PCNX4: variants seen among roughly 807,000 people sequenced by gnomAD.
PCNX4 encodes pecanex 4.
PCNX4 carries 103 observed loss-of-function variants against 107.2 expected under a neutral mutation model. The ratio of observed to expected loss-of-function variants is 0.96; its 90% confidence interval spans 0.82 to 1.13. The LOEUF is 1.13. Ranked by LOEUF, PCNX4 falls within the 50% of genes most tolerant of loss-of-function variation. PCNX4 has a pLI of 0.00. For missense variants in PCNX4, 1,528 were observed against 1,379.4 expected, an observed-to-expected ratio of 1.11 and a Z score of -1.71; for synonymous variants, 541 against 481.7, an observed-to-expected ratio of 1.12 and a Z score of -1.61.
At position 60,142,476 on chromosome 14, in the gene PCNX4, C is replaced by A. The variant is rs537434336; in HGVS notation, c.*8255C>A. On this transcript the variant is annotated 3_prime_UTR_variant, in exon 11 of 11. Coordinates refer to ENST00000406854, the MANE Select transcript of PCNX4 (RefSeq NM_001330177.2). The surrounding 1 kb of genome is among the most constrained non-coding windows in gnomAD (Gnocchi z 4.7). ...TAATGAACACACCATTTTCTTCCTA[C>A]TTAAAAGTCCACTCAGGATAATGAT... 6 of 135,508 alleles carry A rather than the reference C, an allele frequency of 4.4e-5. No homozygotes were observed. In the East Asian group the frequency reaches 1.1e-3, roughly 25 times the overall value. 8.4% of individuals were successfully genotyped at this position (135,508 alleles called of 1,614,324 possible).
rs187744738 is a variant in PCNX4, at chr14:60,127,015, C to T, written c.3267+1192C>T. 5.6e-3 allele frequency among the ~76,000 whole-genome samples: 849 copies of T among 152,280 alleles called. 3 individuals carry two copies. The highest frequency in any genetic ancestry group is 8.9e-3 in the Non-Finnish European group (606 of 68,022). On this transcript the variant is annotated intron_variant, in intron 10 of 10. Coordinates refer to ENST00000406854, the MANE Select transcript of PCNX4 (RefSeq NM_001330177.2). ...CAGAGATTTTGCCCAGTGGGAGAAG[C>T]AAATTATTATTAACAACAACAAAAG...
intron 1 of PCNX4, among the ~76,000 whole-genome samples, chr14:60,093,688 C>T (rs998328167): frequency 6.6e-6 from 1 of 152,022 alleles, no homozygotes; most frequent in Non-Finnish European, 1.5e-5. Context: ...ATGTTTTTAT[C>T]TCTGTTGGGT....
chr14:60,092,799 T>C (rs1895331664), intron 1 of PCNX4, among the ~76,000 whole-genome samples: 1 of 152,176 alleles, frequency 6.6e-6, no homozygotes, highest in Non-Finnish European at 1.5e-5. Flanking sequence ...CCCCTGAACG[T>C]GAAGCGCTCC....
intron 9 of PCNX4, 121 bp downstream of exon 9, chr14:60,125,372 G>GA (rs1160967044): frequency 4.6e-6 from 5 of 1,098,240 alleles, no homozygotes; most frequent in African/African-American, 1.6e-5. Flanking sequence ...TCTTCAAAAT[G>GA]AAAAAAATGT....
rs1896309634 is a variant in PCNX4, at chr14:60,141,881, A to G, written c.*7660A>G. ...ACATAAGCTTTCATTTCTCTTGGGCAAATACCTAGGACTGGGATGGCTAAA... is the reference window on the plus strand; with the variant it reads ...ACATAAGCTTTCATTTCTCTTGGGCGAATACCTAGGACTGGGATGGCTAAA... On this transcript the variant is annotated 3_prime_UTR_variant, in exon 11 of 11. Transcript: ENST00000406854. 1 of 152,220 alleles carries G rather than the reference A, an allele frequency of 6.6e-6. No individual in the cohort carries two copies. The highest frequency in any genetic ancestry group is 1.9e-4 in the East Asian group (1 of 5,206). The allele number at this position is 152,220 out of a possible 1,614,324, so 9.4% of individuals were successfully genotyped here. A position where few individuals can be genotyped will look rare whatever the true frequency, so the allele number is the denominator to read the frequency against.
chr14:60,128,264 G>A (rs1258544781), intron 10 of PCNX4, among the ~76,000 whole-genome samples: 2 of 152,108 alleles, frequency 1.3e-5, no homozygotes, highest in Non-Finnish European at 2.9e-5. Context: ...TAGAATAAAT[G>A]CAAAGAGATC....
chr14:60,131,163 CTTCT>C (rs530258474), intron 10 of PCNX4, among the ~76,000 whole-genome samples: 45 of 152,304 alleles, frequency 3.0e-4, no homozygotes, highest in Non-Finnish European at 6.3e-4. Context: ...ATAAATGTCT[CTTCT>C]TTAAGTCACC....
intron 7 of PCNX4, among the ~76,000 whole-genome samples, chr14:60,119,680 C>G (rs1242350734): frequency 6.6e-6 from 1 of 151,852 alleles, no homozygotes; most frequent in Admixed American, 6.6e-5. Flanking sequence ...TTTAAAACAC[C>G]TGTGGGGTTA....
chr14:60,093,896 A>G (rs1895365582), intron 1 of PCNX4, among the ~76,000 whole-genome samples: 1 of 152,200 alleles, frequency 6.6e-6, no homozygotes, highest in South Asian at 2.1e-4. Flanking sequence ...AGGAGGTTTG[A>G]AATGGTACCT....
Position 60,124,383 on chromosome 14 carries a change from G to A in PCNX4, c.2212G>A (p.Asp738Asn). ...TGTTTTGCCTGTGAAATTGTATTCT[G>A]ATGCCAGGAATGTTCTATCAGGCAT... is the stretch of plus-strand genomic sequence containing the variant. ...CTVLPVKLYS[D>N]ARNVLSGIID... The change falls in exon 9 of 11, where the codon GAT becomes AAT. Residue 738 changes from aspartate to asparagine, a missense_variant. Asp to Asn is a conservative substitution (Grantham distance 23). Coordinates refer to ENST00000406854, the MANE Select transcript of PCNX4 (RefSeq NM_001330177.2). 1.2e-6 allele frequency: 2 copies of A among 1,613,452 alleles called. No homozygotes were observed. The highest frequency in any genetic ancestry group is 2.7e-5 in the African/African-American group (2 of 75,024).
At position 60,138,380 on chromosome 14, in the gene PCNX4, G is replaced by C. The variant is rs186318967; in HGVS notation, c.*4159G>C. The C allele has an allele frequency of 6.6e-6, 1 of 152,166 alleles. No homozygotes were observed. The highest frequency in any genetic ancestry group is 2.4e-5 in the African/African-American group (1 of 41,532). The allele number at this position is 152,166 out of a possible 1,614,324, so 9.4% of individuals were successfully genotyped here. A position where few individuals can be genotyped will look rare whatever the true frequency, so the allele number is the denominator to read the frequency against. ...CCAAGTTTTTAAGACATGAAGACCT[G>C]CAAGATCAAAGCATGATAAATAAAA... On this transcript the variant is annotated 3_prime_UTR_variant, in exon 11 of 11. Transcript: ENST00000406854.
At chr14:60,108,398 A>G in intron 2 of PCNX4, 71 bp downstream of exon 2, 1 of 1,175,832 alleles carries the variant, frequency 8.5e-7, no homozygotes, top group South Asian at 1.7e-5. Context: ...CTTTCCTTTT[A>G]GTGTTACAAA....
chr14:60,126,056 A>G (rs1896050319), intron 10 of PCNX4: 3 of 314,688 alleles, frequency 9.5e-6, no homozygotes. Flanking sequence ...TTGTGTAGCC[A>G]TAGTGCAATG....
In PCNX4 at chr14:60,148,168, CT is replaced by C. The variant is rs1896454257; in HGVS notation, c.*13948del. On this transcript the variant is annotated 3_prime_UTR_variant, in exon 11 of 11. Transcript: ENST00000406854. This position sits in a 1 kb window ranked among gnomAD's most constrained non-coding sequence, Gnocchi z 4.8. ...TGTTGTGTTTGTAACTTTTTACCCC[CT>C]AATTCATTTTCACTGTCCTGCAAAG... The C allele has an allele frequency of 2.0e-5, 3 of 152,174 alleles. No homozygotes were observed. Among genetic ancestry groups the C allele is most frequent in the African/African-American group, 7.2e-5 (3 of 41,440 alleles). The allele number at this position is 152,174 out of a possible 1,614,324, so 9.4% of individuals were successfully genotyped here.
rs1896222356 is a variant in PCNX4, at chr14:60,135,135, C to T, written c.*914C>T. ...ATGTAAGGGGGATTAATAATGAATC[C>T]ACATCAGTTGAGAGATCAGTTTCCT... On this transcript the variant is annotated 3_prime_UTR_variant, in exon 11 of 11. Coordinates refer to ENST00000406854, the MANE Select transcript of PCNX4 (RefSeq NM_001330177.2). 6.6e-6 allele frequency: 1 copy of T among 152,098 alleles called. No homozygotes were observed. Among genetic ancestry groups the T allele is most frequent in the Non-Finnish European group, 1.5e-5 (1 of 68,000 alleles). The allele number at this position is 152,098 out of a possible 1,614,324, so 9.4% of individuals were successfully genotyped here. A position where few individuals can be genotyped will look rare whatever the true frequency, so the allele number is the denominator to read the frequency against.
At chr14:60,119,739 A>G (rs1232738035) in intron 7 of PCNX4, among the ~76,000 whole-genome samples, 2 of 152,212 alleles carry the variant, frequency 1.3e-5, no homozygotes, top group Non-Finnish European at 2.9e-5. Flanking sequence ...TTTATTATCA[A>G]ACCAATTATA....
At position 60,144,754 on chromosome 14, in the gene PCNX4, A is replaced by C; in HGVS notation, c.*10533A>C. The C allele has an allele frequency of 5.8e-6, 3 of 513,370 alleles. No individual in the cohort carries two copies. In the South Asian group the frequency reaches 8.8e-5, roughly 15 times the overall value. 31.8% of individuals were successfully genotyped at this position (513,370 alleles called of 1,614,324 possible). On this transcript the variant is annotated 3_prime_UTR_variant, in exon 11 of 11. Coordinates refer to ENST00000406854, the MANE Select transcript of PCNX4 (RefSeq NM_001330177.2). ...AGTATTTTAAAAGGTTATTTTATCC[A>C]AGAATATAGTATGAGTTAATACCTT...
chr14:60,117,650 A>G (rs907052428), intron 6 of PCNX4, among the ~76,000 whole-genome samples: 3 of 152,110 alleles, frequency 2.0e-5, no homozygotes, highest in Admixed American at 2.0e-4. Flanking sequence ...CTCTGGCCAG[A>G]CACGGTGGAT....
intron 1 of PCNX4, among the ~76,000 whole-genome samples, chr14:60,095,663 T>C (rs1895409796): frequency 6.6e-6 from 1 of 152,192 alleles, no homozygotes; most frequent in African/African-American, 2.4e-5. Context: ...GACGAGTTCC[T>C]GGCCTCAGGT....
Sources: gnomAD v4.1 joint callset for allele counts (sites outside exome capture counted in the v4.1 genomes callset) on GRCh38, gnomAD v4.1.1 for gene constraint, Gnocchi (gnomAD v3.1) non-coding constraint, MANE v1.5 for transcripts, NCBI Gene and HGNC (gene_info 2026-07-23, HGNC 2026-07-21) for gene names.